Variants in C3orf20 observed in about 807,000 individuals in gnomAD.
C3orf20 encodes the protein family with sequence similarity 149 member C.
In C3orf20, 76 loss-of-function variants were observed where a neutral mutation model predicts 88.3. The observed-to-expected ratio is 0.86, with a 90% CI of 0.72 to 1.04. The LOEUF (loss-of-function observed/expected upper bound fraction) is 1.04. Among genes scored for constraint, C3orf20 ranks in the 50% least tolerant of loss-of-function variants. C3orf20 has a pLI of 0.00. For synonymous variants in C3orf20, 436 were observed against 437.4 expected (o/e 1.00, Z 0.04); for missense variants, 1,056 against 1,123.3 (o/e 0.94, Z 0.86).
intron 12 of C3orf20, among the ~76,000 whole-genome samples, chr3:14,752,506 G>A (rs538094181): frequency 6.6e-6 from 1 of 152,266 alleles, no homozygotes; most frequent in East Asian, 1.9e-4. Context: ...TCAAACTAAA[G>A]AGCTTCTGCA....
At chr3:14,754,781 T>C (rs1438899366) in intron 12 of C3orf20, among the ~76,000 whole-genome samples, 1 of 152,114 alleles carries the variant, frequency 6.6e-6, no homozygotes, top group Non-Finnish European at 1.5e-5. Context: ...CTGGAGTGCA[T>C]TGGTGTGATC....
Position 14,718,383 on chromosome 3 carries a change from C to A in C3orf20, c.1434+2974C>A, listed in dbSNP as rs140161356. ...TTACATATTTTCAGCTCTAGAATTT[C>A]CACTTAGTTACTTTTATATTTTTTA... On this transcript the variant is annotated intron_variant, in intron 9 of 16. Transcript: ENST00000253697. 5.2e-3 allele frequency among the ~76,000 whole-genome samples: 797 copies of A among 152,250 alleles called. 4 individuals are homozygous for A. Among genetic ancestry groups the A allele is most frequent in the African/African-American group, 0.018 (750 of 41,540 alleles).
Position 14,682,642 on chromosome 3 carries a change from T to G in C3orf20, c.-72T>G, listed in dbSNP as rs748115723. The G allele has an allele frequency of 1.4e-5, 22 of 1,529,564 alleles. No individual in the cohort carries two copies. Among genetic ancestry groups the G allele is most frequent in the Non-Finnish European group, 1.8e-5 (21 of 1,141,680 alleles). The allele number at this position is 1,529,564 out of a possible 1,614,324, so 94.7% of individuals were successfully genotyped here. ...CATCCATTCTGTCCATCTCCAAGCC[T>G]TCACCGTAGGGAAGAACTTTTGCTC... On this transcript the variant is annotated 5_prime_UTR_variant, in exon 3 of 17. Coordinates refer to ENST00000253697, the MANE Select transcript of C3orf20 (RefSeq NM_032137.5).
Position 14,682,924 on chromosome 3 carries a change from G to A in C3orf20, c.211G>A (p.Val71Ile), listed in dbSNP as rs746816920. 6.2e-7 allele frequency: 1 copy of A among 1,614,160 alleles called. No individual in the cohort carries two copies. Among genetic ancestry groups the A allele is most frequent in the Non-Finnish European group, 8.5e-7 (1 of 1,180,026 alleles). ...PTPSDILGLE[V>I]SFGAPLVVLM... ...CCCGTCCGACATCTTGGGCCTGGAG[G>A]TCAGCTTTGGAGCCCCCCTGGTGGT... is the stretch of plus-strand genomic sequence containing the variant. Residue 71 changes from valine (V) to isoleucine (I), a missense_variant, in exon 3 of 17, where the codon GTC becomes ATC. By Grantham distance (29) the Val-to-Ile change is conservative. Coordinates refer to ENST00000253697, the MANE Select transcript of C3orf20 (RefSeq NM_032137.5).
intron 7 of C3orf20, among the ~76,000 whole-genome samples, chr3:14,705,302 G>A (rs2033454564): frequency 6.6e-6 from 1 of 152,262 alleles, no homozygotes; most frequent in South Asian, 2.1e-4. Context: ...TGATTGCAGG[G>A]CATTCACCAA....
Position 14,690,567 on chromosome 3 carries a change from A to T in C3orf20, c.745+451A>T, listed in dbSNP as rs530595832. Among the ~76,000 whole-genome samples the T allele has an allele frequency of 4.6e-5, 7 of 152,342 alleles. No individual in the cohort carries two copies. In the East Asian group the frequency reaches 5.8e-4, roughly 13 times the overall value. On this transcript the variant is annotated intron_variant, in intron 5 of 16. Transcript: ENST00000253697. ...CACTTCCCAAATTGGGCAAGTTTTT[A>T]TGGGCAGGAAACAAAGACATAGGAG...
At chr3:14,680,930 T>C (rs1030196263) in intron 1 of C3orf20, among the ~76,000 whole-genome samples, 4 of 152,204 alleles carry the variant, frequency 2.6e-5, no homozygotes, top group African/African-American at 9.7e-5. Flanking sequence ...AAGCTCTTTT[T>C]CCCAATCTGC....
chr3:14,752,878 A>T (rs2035259186), intron 12 of C3orf20, among the ~76,000 whole-genome samples: 1 of 152,248 alleles, frequency 6.6e-6, no homozygotes, highest in Admixed American at 6.5e-5. Flanking sequence ...GCACGCTTTT[A>T]CACTATTGGT....
At chr3:14,691,157 C>T (rs1388769686) in intron 5 of C3orf20, among the ~76,000 whole-genome samples, 1 of 152,196 alleles carries the variant, frequency 6.6e-6, no homozygotes, top group Non-Finnish European at 1.5e-5. Context: ...ACAGAAAATG[C>T]CTTGCTTAAA....
chr3:14,714,090 C>G lies in C3orf20; in HGVS notation c.1244C>G (p.Pro415Arg), dbSNP rs761209016. Residue 415 changes from proline (P) to arginine (R), a missense_variant, in exon 8 of 17, where the codon CCT (proline) becomes CGT (arginine). Coordinates refer to ENST00000253697, the MANE Select transcript of C3orf20 (RefSeq NM_032137.5). Reference protein sequence around the residue: ...RTITCLFNDIPGFSLLALFNT... With the variant: ...RTITCLFNDIRGFSLLALFNT... ...ATCACCTGCCTCTTTAATGACATAC[C>G]TGGATTCTCCTTGCTGGCCCTATTC... The G allele has an allele frequency of 6.2e-7, 1 of 1,614,094 alleles. No individual in the cohort carries two copies. Among genetic ancestry groups the G allele is most frequent in the South Asian group, 1.1e-5 (1 of 91,082 alleles).
At position 14,728,594 on chromosome 3, in the gene C3orf20, A is replaced by G. The variant is rs1287839351; in HGVS notation, c.1846A>G (p.Ile616Val). 1.2e-6 allele frequency: 2 copies of G among 1,614,080 alleles called. No homozygotes were observed. Among genetic ancestry groups the G allele is most frequent in the South Asian group, 1.1e-5 (1 of 91,084 alleles). The change falls in exon 12 of 17, where the codon ATT (isoleucine) becomes GTT (valine). Residue 616 changes from isoleucine to valine, a missense_variant. Physicochemically the swap from Ile to Val is conservative, Grantham distance 29. Coordinates refer to ENST00000253697, the MANE Select transcript of C3orf20 (RefSeq NM_032137.5). ...RSQSGHLESSIAETLKDEPES... is the reference protein window; with the variant it reads ...RSQSGHLESSVAETLKDEPES... Reference sequence around the variant, plus strand: ...TCAGTCAGGCCACCTGGAATCCTCAATTGCAGAGACTTTGAAGGATGAGCC... The same window carrying G: ...TCAGTCAGGCCACCTGGAATCCTCAGTTGCAGAGACTTTGAAGGATGAGCC...
chr3:14,710,917 G>A (rs1216336491), intron 7 of C3orf20, among the ~76,000 whole-genome samples: 1 of 149,620 alleles, frequency 6.7e-6, no homozygotes, highest in Non-Finnish European at 1.5e-5. Flanking sequence ...TTTTTGAGGT[G>A]GAATCTCACT....
At position 14,684,267 on chromosome 3, in the gene C3orf20, C is replaced by T; in HGVS notation, c.510C>T (p.Thr170=). The stretch of plus-strand genomic sequence containing the variant: ...TGGGTGCCAACCCCTTGGACATCAC[C>T]AGGCGCTTTGTGGAGGCCAGCCAGC... ...MSVGANPLDI[T]RRFVEASQLL... The change falls in exon 4 of 17, where the codon ACC becomes ACT. Residue 170 remains threonine, a synonymous_variant. Coordinates refer to ENST00000253697, the MANE Select transcript of C3orf20 (RefSeq NM_032137.5). The T allele has an allele frequency of 6.2e-7, 1 of 1,614,164 alleles. No homozygotes were observed. The highest frequency in any genetic ancestry group is 1.7e-5 in the Admixed American group (1 of 60,014).
intron 5 of C3orf20, among the ~76,000 whole-genome samples, chr3:14,692,917 G>A (rs1401664680): frequency 6.6e-6 from 1 of 152,076 alleles, no homozygotes; most frequent in African/African-American, 2.4e-5. Context: ...TGTATGGTGA[G>A]AGATAGGGGT....
chr3:14,756,134 C>G (rs998241890), intron 12 of C3orf20, among the ~76,000 whole-genome samples: 1 of 150,116 alleles, frequency 6.7e-6, no homozygotes, highest in Non-Finnish European at 1.5e-5. Context: ...TATTCCAAGA[C>G]TGTGATGCTG....
intron 15 of C3orf20, among the ~76,000 whole-genome samples, chr3:14,762,135 G>A (rs989608731): frequency 2.6e-5 from 4 of 152,110 alleles, no homozygotes; most frequent in Admixed American, 6.5e-5. Context: ...ACAGTGACGC[G>A]ATCATAGCTC....
rs1302054643 is a variant in C3orf20 at position 14,704,557 on chromosome 3, A to T, written c.1099A>T (p.Lys367Ter). 3 of 1,613,946 alleles carry T rather than the reference A, an allele frequency of 1.9e-6. No individual in the cohort carries two copies. The highest frequency in any genetic ancestry group is 2.5e-6 in the Non-Finnish European group (3 of 1,180,020). ...HHFSQHCQEG[K>*]APKKAFKFHY... is the part of the protein sequence containing the mutation. ...TTTCAGTCAGCATTGTCAAGAGGGG[A>T]AGGCACCCAAGAAGGCCTTCAAGTT... The change falls in exon 7 of 17, where the codon AAG (lysine) becomes TAG (stop). Residue 367 changes from lysine to a stop codon, truncating the protein, a stop_gained. Transcript: ENST00000253697. LOFTEE classifies it high-confidence loss of function.
At chr3:14,707,705 A>C (rs1487701580) in intron 7 of C3orf20, among the ~76,000 whole-genome samples, 1 of 151,994 alleles carries the variant, frequency 6.6e-6, no homozygotes, top group Non-Finnish European at 1.5e-5. Flanking sequence ...AAAACTTTTA[A>C]ATTTTGATGA....
At chr3:14,708,163 C>T (rs931976550) in intron 7 of C3orf20, among the ~76,000 whole-genome samples, 14 of 151,990 alleles carry the variant, frequency 9.2e-5, no homozygotes, top group East Asian at 3.8e-4. Context: ...ATAGGTCTTG[C>T]GGTCTTTGAA....
Sources: allele counts gnomAD v4.1 joint callset (sites outside exome capture counted in the v4.1 genomes callset), GRCh38; gene constraint gnomAD v4.1.1; transcripts MANE v1.5; gene names NCBI Gene and HGNC (gene_info 2026-07-23, HGNC 2026-07-21).